Variants in TBC1D32 observed in about 807,000 individuals in gnomAD.
TBC1D32 encodes the protein TBC1 domain family member 32.
In TBC1D32, 151 loss-of-function variants were observed where a neutral mutation model predicts 170.3. The ratio of observed to expected loss-of-function variants is 0.89; its 90% CI spans 0.78 to 1.01. TBC1D32 has a LOEUF of 1.01. Among genes scored for constraint, TBC1D32 ranks in the 50% least tolerant of loss-of-function variants. The pLI, the probability that TBC1D32 is intolerant of heterozygous loss-of-function variation, is 0.00. For synonymous variants in TBC1D32, 498 were observed against 488.0 expected (o/e 1.02, Z -0.27); for missense variants, 1,464 against 1,457.1 (o/e 1.00, Z -0.08).
chr6:121,272,043 T>G (rs1411739551), intron 15 of TBC1D32, among the ~76,000 whole-genome samples: 1 of 152,122 alleles, frequency 6.6e-6, no homozygotes, highest in Non-Finnish European at 1.5e-5. Context: ...CTGGGAAAAC[T>G]GGCTAGCCAT....
chr6:121,088,550 T>C (rs113916723), intron 31 of TBC1D32, among the ~76,000 whole-genome samples: 2,190 of 152,250 alleles, frequency 0.014, 68 homozygotes, highest in African/African-American at 0.05. Flanking sequence ...TAAAGGGATA[T>C]GTAAATACAT....
At chr6:121,213,524 T>TAAATAAAATAAAATA (rs1554271961) in intron 21 of TBC1D32, among the ~76,000 whole-genome samples, 137 of 31,198 alleles carry the variant, frequency 4.4e-3, no homozygotes, top group South Asian at 0.013. Flanking sequence ...TAAAATAAAA[T>TAAATAAAATAAAATA]AAATAAAATA....
intron 24 of TBC1D32, among the ~76,000 whole-genome samples, chr6:121,149,012 GA>G (rs1351918136): frequency 1.3e-5 from 2 of 151,606 alleles, no homozygotes; most frequent in Non-Finnish European, 2.9e-5. Context: ...GGCCAGTGAT[GA>G]TGAGCTATTT....
chr6:121,102,225 T>C (rs1003823402), intron 30 of TBC1D32, among the ~76,000 whole-genome samples: 2 of 152,112 alleles, frequency 1.3e-5, no homozygotes, highest in East Asian at 1.9e-4. Context: ...CTTCACAGAA[T>C]TGGATAAAAC....
intron 24 of TBC1D32, among the ~76,000 whole-genome samples, chr6:121,147,566 G>T (rs1373243762): frequency 6.6e-6 from 1 of 151,806 alleles, no homozygotes; most frequent in East Asian, 1.9e-4. Context: ...GATGATTAGT[G>T]ATGGTGAGCA....
chr6:121,306,171 A>C (rs1234327406), intron 5 of TBC1D32, among the ~76,000 whole-genome samples: 1 of 152,146 alleles, frequency 6.6e-6, no homozygotes, highest in African/African-American at 2.4e-5. Context: ...CCAGAAGTCT[A>C]CAATACCCTC....
intron 11 of TBC1D32, among the ~76,000 whole-genome samples, chr6:121,293,182 G>A (rs1261901257): frequency 6.6e-6 from 1 of 150,736 alleles, no homozygotes; most frequent in East Asian, 1.9e-4. Context: ...AGTAGATAGA[G>A]AAGAGAGCAA....
chr6:121,218,845 T>C (rs1274600640), intron 21 of TBC1D32, among the ~76,000 whole-genome samples: 2 of 152,106 alleles, frequency 1.3e-5, no homozygotes, highest in East Asian at 3.9e-4. Context: ...ATAAGGGATT[T>C]TTCCCCCTTT....
chr6:121,247,193 T>G (rs1295871979), intron 17 of TBC1D32, among the ~76,000 whole-genome samples: 2 of 152,056 alleles, frequency 1.3e-5, no homozygotes, highest in Non-Finnish European at 2.9e-5. Flanking sequence ...AAAATAATTG[T>G]CAGCCAATAA....
At chr6:121,129,690 G>C (rs1007357669) in intron 25 of TBC1D32, among the ~76,000 whole-genome samples, 2 of 152,166 alleles carry the variant, frequency 1.3e-5, no homozygotes, top group African/African-American at 4.8e-5. Flanking sequence ...ATATGAATGA[G>C]AAAGAACAAA....
chr6:121,258,560 C>T (rs1799352265), intron 15 of TBC1D32, among the ~76,000 whole-genome samples: 1 of 152,050 alleles, frequency 6.6e-6, no homozygotes, highest in African/African-American at 2.4e-5. Flanking sequence ...TGTTTCTCCA[C>T]ATTTTTCTCT....
Position 121,106,593 on chromosome 6 carries a change from T to C in TBC1D32, c.3325-430A>G, listed in dbSNP as rs550895423. On this transcript the variant is annotated intron_variant, in intron 29 of 31. Coordinates refer to ENST00000398212, the MANE Select transcript of TBC1D32 (RefSeq NM_152730.6). ...ATGATTCTATAATGTCAAAGGATTT[T>C]AGCTTTGTCAGCTGTTGAAGATATT... is the stretch of plus-strand genomic sequence containing the variant. Among the ~76,000 whole-genome samples, 6 of 152,168 alleles carry C rather than the reference T, an allele frequency of 3.9e-5. No homozygotes were observed. In the East Asian group the frequency reaches 1.2e-3, roughly 29 times the overall value.
chr6:121,242,667 T>G (rs1380088390), intron 17 of TBC1D32, among the ~76,000 whole-genome samples: 1 of 152,126 alleles, frequency 6.6e-6, no homozygotes, highest in African/African-American at 2.4e-5. Flanking sequence ...CTGCTGTGCA[T>G]GAATTCTCCA....
At chr6:121,316,882 G>C (rs1809006736) in intron 3 of TBC1D32, among the ~76,000 whole-genome samples, 2 of 152,078 alleles carry the variant, frequency 1.3e-5, no homozygotes, top group Admixed American at 1.3e-4. Flanking sequence ...CTTTTGGCCT[G>C]ATAGCCTCTG....
In TBC1D32 at chr6:121,223,259, G is replaced by T. The variant is rs754841752; in HGVS notation, c.2458C>A (p.Arg820Ser). 1.9e-6 allele frequency: 3 copies of T among 1,571,656 alleles called. No individual in the cohort carries two copies. The highest frequency in any genetic ancestry group is 2.6e-6 in the Non-Finnish European group (3 of 1,162,368). ...ACAATAACACATGTTGGGACTTCAC[G>T]AAGAGAATATTCTGTTTTATTAGGA... is the stretch of plus-strand genomic sequence containing the variant. ...DLPNKTEYSL[R>S]EVPTCVIDII... is the part of the protein sequence containing the mutation. The change falls in exon 21 of 32, where the codon CGT becomes AGT. Residue 820 changes from arginine (R) to serine (S), a missense_variant. Coordinates refer to ENST00000398212, the MANE Select transcript of TBC1D32 (RefSeq NM_152730.6).
At chr6:121,131,779 TA>T in intron 24 of TBC1D32, 27 bp from the exon 25 acceptor site, 1 of 1,539,150 alleles carries the variant, frequency 6.5e-7, no homozygotes, top group African/African-American at 1.4e-5. Context: ...CATACTATTA[TA>T]ATAAGACATG....
intron 17 of TBC1D32, among the ~76,000 whole-genome samples, chr6:121,254,999 ATAT>A (rs1798777314): frequency 6.6e-6 from 1 of 152,134 alleles, no homozygotes; most frequent in Non-Finnish European, 1.5e-5. Context: ...ATTTGAGAAC[ATAT>A]TATTTCTACT....
intron 12 of TBC1D32, 40 bp downstream of exon 12, chr6:121,292,013 A>C: frequency 6.6e-7 from 1 of 1,519,106 alleles, no homozygotes; most frequent in Non-Finnish European, 8.9e-7. Context: ...TATAAATCTT[A>C]GCATATCTTA....
At chr6:121,158,072 G>A (rs1304811291) in intron 24 of TBC1D32, among the ~76,000 whole-genome samples, 2 of 152,074 alleles carry the variant, frequency 1.3e-5, no homozygotes, top group East Asian at 3.9e-4. Flanking sequence ...GGAAAATTTT[G>A]ATGGACTTCA....
Sources: allele counts gnomAD v4.1 joint callset (sites outside exome capture counted in the v4.1 genomes callset), GRCh38; gene constraint gnomAD v4.1.1; transcripts MANE v1.5; gene names NCBI Gene and HGNC (gene_info 2026-07-23, HGNC 2026-07-21).